FRA10AC1: variants seen among roughly 807,000 people sequenced by gnomAD.
FRA10AC1 encodes FRA10A associated CGG repeat 1, also known as protein FRA10AC1.
FRA10AC1 carries 43 observed loss-of-function variants against 56.5 expected under a neutral mutation model. The ratio of observed to expected loss-of-function variants is 0.76; its 90% CI spans 0.60 to 0.98. The LOEUF is 0.98. FRA10AC1 is among the 50% of genes least tolerant of loss of function. The probability of loss-of-function intolerance (pLI) is 0.00; values close to 1 mark genes in which losing one functional copy is unlikely to be tolerated. For synonymous variants in FRA10AC1, 112 were observed against 110.5 expected (o/e 1.01, Z -0.09); for missense variants, 346 against 351.8 (o/e 0.98, Z 0.13).
chr10:93,694,332 TAAAG>T (rs1327634182), intron 5 of FRA10AC1, among the ~76,000 whole-genome samples: 3 of 151,998 alleles, frequency 2.0e-5, no homozygotes, highest in Non-Finnish European at 4.4e-5. Flanking sequence ...GCTCAGCAGG[TAAAG>T]AGTCTACCTG....
At chr10:93,684,126 C>T in intron 9 of FRA10AC1, 28 bp from the exon 10 acceptor site, 1 of 1,568,246 alleles carries the variant, frequency 6.4e-7, no homozygotes, top group East Asian at 2.2e-5. Flanking sequence ...CACTGAATGG[C>T]TGATTTTGAA....
rs2058712297 is a variant in FRA10AC1 at position 93,668,457 on chromosome 10, C to T, written c.*1369G>A. Reference sequence around the variant, plus strand: ...CTAAAAAGGCTTGGATCTCCTGAAGCACCTCCATAGACCCTTGCGACTAGG... The same window carrying T: ...CTAAAAAGGCTTGGATCTCCTGAAGTACCTCCATAGACCCTTGCGACTAGG... On this transcript the variant is annotated 3_prime_UTR_variant, in exon 14 of 14. Coordinates refer to ENST00000359204, the MANE Select transcript of FRA10AC1 (RefSeq NM_145246.5). 6.6e-6 allele frequency: 1 copy of T among 152,150 alleles called. No individual in the cohort carries two copies. The highest frequency in any genetic ancestry group is 2.1e-4 in the South Asian group (1 of 4,826). The allele number at this position is 152,150 out of a possible 1,614,324, so 9.4% of individuals were successfully genotyped here.
chr10:93,690,652 CATGA>C (rs2059110675), intron 7 of FRA10AC1, among the ~76,000 whole-genome samples: 1 of 152,004 alleles, frequency 6.6e-6, no homozygotes, highest in Non-Finnish European at 1.5e-5. Context: ...AAGAACAATC[CATGA>C]ATAAGCCAGG....
Position 93,669,719 on chromosome 10 carries a change from C to T in FRA10AC1, c.*107G>A, listed in dbSNP as rs2058731102. On this transcript the variant is annotated 3_prime_UTR_variant, in exon 14 of 14. Coordinates refer to ENST00000359204, the MANE Select transcript of FRA10AC1 (RefSeq NM_145246.5). ...GATTTTTATTTCCAAAGACAAACCA[C>T]ACAAGCTGTAACTTGCAGATAAAAA... The T allele has an allele frequency of 2.7e-6, 2 of 731,482 alleles. No individual in the cohort carries two copies. The highest frequency in any genetic ancestry group is 6.0e-5 in the Admixed American group (2 of 33,394). 45.3% of individuals were successfully genotyped at this position (731,482 alleles called of 1,614,324 possible).
At chr10:93,675,648 T>G (rs1398532292) in intron 12 of FRA10AC1, 1 of 371,472 alleles carries the variant, frequency 2.7e-6, no homozygotes. Context: ...GGGGCTGCAG[T>G]CAGCTGAGAT....
chr10:93,688,436 G>A (rs1239576586), intron 7 of FRA10AC1, among the ~76,000 whole-genome samples: 3 of 152,098 alleles, frequency 2.0e-5, no homozygotes, highest in African/African-American at 7.2e-5. Context: ...GTAGACACAC[G>A]TCATTACACA....
Position 93,696,011 on chromosome 10 carries a change from T to C in FRA10AC1, c.220-1074A>G, listed in dbSNP as rs190894809. Reference sequence around the variant, plus strand: ...GGCTGTATTCCAATATAATTTTATGTACAAGAACAGGTGGTGGGTGTAACT... The same window carrying C: ...GGCTGTATTCCAATATAATTTTATGCACAAGAACAGGTGGTGGGTGTAACT... On this transcript the variant is annotated intron_variant, in intron 4 of 13. Coordinates refer to ENST00000359204, the MANE Select transcript of FRA10AC1 (RefSeq NM_145246.5). 7.4e-3 allele frequency among the ~76,000 whole-genome samples: 1,126 copies of C among 152,350 alleles called. 5 individuals are homozygous for C. Among genetic ancestry groups the C allele is most frequent in the Admixed American group, 0.012 (185 of 15,306 alleles).
rs372136770 is a variant in FRA10AC1, at chr10:93,692,111, T to A, written c.381-18A>T. The A allele has an allele frequency of 4.1e-5, 60 of 1,453,676 alleles. No homozygotes were observed. The highest frequency in any genetic ancestry group is 4.9e-5 in the Non-Finnish European group (54 of 1,100,720). The allele number at this position is 1,453,676 out of a possible 1,614,324, so 90.0% of individuals were successfully genotyped here. A position where few individuals can be genotyped will look rare whatever the true frequency, so the allele number is the denominator to read the frequency against. The stretch of plus-strand genomic sequence containing the variant: ...TCTTCTCCCTAGACCCATGAAAATA[T>A]AAATATTATACATTTAGAAACTCAA... On this transcript the variant is annotated intron_variant, in intron 6 of 13. Transcript: ENST00000359204.
chr10:93,674,531 G>C (rs1041403858), intron 12 of FRA10AC1: 1 of 152,208 alleles, frequency 6.6e-6, no homozygotes, highest in Admixed American at 6.5e-5. Context: ...CAGCAGGTCA[G>C]CTTGAAGTGG....
At chr10:93,695,900 T>C (rs1036260523) in intron 4 of FRA10AC1, among the ~76,000 whole-genome samples, 1 of 121,782 alleles carries the variant, frequency 8.2e-6, no homozygotes, top group Non-Finnish European at 1.6e-5. Flanking sequence ...ATTTCAGGCT[T>C]TGCAAGCCAT....
chr10:93,685,124 A>G, intron 9 of FRA10AC1, 122 bp downstream of exon 9: 1 of 600,146 alleles, frequency 1.7e-6, no homozygotes, highest in Admixed American at 3.5e-5. Flanking sequence ...GGAAGCTCCA[A>G]GAAAAAAGAG....
chr10:93,682,080 A>C (rs1189840353), intron 10 of FRA10AC1, among the ~76,000 whole-genome samples: 2 of 152,200 alleles, frequency 1.3e-5, no homozygotes, highest in Non-Finnish European at 2.9e-5. Flanking sequence ...TGGAATGAAA[A>C]TGGAAAGGGC....
In FRA10AC1 at chr10:93,685,319, T is replaced by C. The variant is rs766093233; in HGVS notation, c.552A>G (p.Glu184=). 59 of 1,576,152 alleles carry C rather than the reference T, an allele frequency of 3.7e-5. No individual in the cohort carries two copies. The highest frequency in any genetic ancestry group is 5.0e-5 in the Non-Finnish European group (58 of 1,148,540). The change falls in exon 9 of 14, where the codon GAA becomes GAG. Residue 184 remains glutamate (E), a synonymous_variant. Transcript: ENST00000359204. The part of the protein sequence containing the change: ...FCGNKYCDKK[E]GLKSWEVNFG... ...AATTAACTTCCCAACTCTTTAAGCC[T>C]TCTTTTTTATCACAATATTTATTTC...
At chr10:93,684,134 G>C (rs200347274) in intron 9 of FRA10AC1, 36 bp from the exon 10 acceptor site, 427 of 1,469,682 alleles carry the variant, frequency 2.9e-4, no homozygotes, top group Non-Finnish European at 2.5e-4. Context: ...GGCTGATTTT[G>C]AATAACCACA....
At chr10:93,681,622 T>A in intron 10 of FRA10AC1, 24 bp from the exon 11 acceptor site, 2 of 1,464,830 alleles carry the variant, frequency 1.4e-6, no homozygotes, top group Non-Finnish European at 1.8e-6. Context: ...AATATAAAAT[T>A]AAAGTTAACT....
intron 1 of FRA10AC1, 136 bp from the exon 2 acceptor site, chr10:93,700,242 C>G: frequency 1.9e-6 from 1 of 515,242 alleles, no homozygotes; most frequent in Non-Finnish European, 3.4e-6. Flanking sequence ...TATTCACAGG[C>G]CATCTAGCCA....
intron 7 of FRA10AC1, among the ~76,000 whole-genome samples, chr10:93,690,132 T>C (rs1012892759): frequency 2.0e-5 from 3 of 152,162 alleles, no homozygotes; most frequent in African/African-American, 7.2e-5. Context: ...ATTGTCTTTG[T>C]ATAAATAAAG....
intron 7 of FRA10AC1, among the ~76,000 whole-genome samples, chr10:93,691,232 G>A (rs1420900476): frequency 1.3e-5 from 2 of 152,144 alleles, no homozygotes; most frequent in Non-Finnish European, 2.9e-5. Context: ...CTGAAATGCA[G>A]TGGCACGATC....
chr10:93,702,522 ACCG>A lies in FRA10AC1; in HGVS notation c.-151_-149del, dbSNP rs139811637. 87,610 of 213,674 alleles carry A rather than the reference ACCG, an allele frequency of 0.41. 20,973 individuals are homozygous for A. Among genetic ancestry groups the A allele is most frequent in the Non-Finnish European group, 0.5 (54,238 of 109,314 alleles). 13.2% of individuals were successfully genotyped at this position (213,674 alleles called of 1,614,324 possible). A position where few individuals can be genotyped will look rare whatever the true frequency, so the allele number is the denominator to read the frequency against. On this transcript the variant is annotated 5_prime_UTR_variant, in exon 1 of 14. Coordinates refer to ENST00000359204, the MANE Select transcript of FRA10AC1 (RefSeq NM_145246.5). Reference sequence around the variant, plus strand: ...GCCGCACAGCCTCGCCACAACCACCACCGCCGCCGCCGCCGCCGCCGCCGCCCG... The same window carrying A: ...GCCGCACAGCCTCGCCACAACCACCACCGCCGCCGCCGCCGCCGCCGCCCG...
Sources: allele counts gnomAD v4.1 joint callset (sites outside exome capture counted in the v4.1 genomes callset), GRCh38; gene constraint gnomAD v4.1.1; transcripts MANE v1.5; gene names NCBI Gene and HGNC (gene_info 2026-07-23, HGNC 2026-07-21).